NAV2: variants seen among roughly 807,000 people sequenced by gnomAD.
NAV2 encodes helicase, APC down-regulated 1.
A neutral mutation model predicts 223.2 loss-of-function variants in NAV2; 54 were observed. The observed-to-expected ratio is 0.24, with a 90% CI of 0.19 to 0.30. NAV2 has a LOEUF of 0.30. Ranked by LOEUF, NAV2 falls within the 10% of genes least tolerant of loss-of-function variation. The probability of loss-of-function intolerance (pLI) is 1.00; values close to 1 mark genes in which losing one functional copy is unlikely to be tolerated. For synonymous variants in NAV2, 1,279 were observed against 1,239.3 expected (o/e 1.03, Z -0.67); for missense variants, 2,806 against 3,147.5 (o/e 0.89, Z 2.60).
chr11:19,654,529 G>A (rs1329518508), intron 1 of NAV2, among the ~76,000 whole-genome samples: 1 of 152,090 alleles, frequency 6.6e-6, no homozygotes, highest in African/African-American at 2.4e-5. Context: ...GCATGGTACT[G>A]GTACCAAAAC....
At chr11:19,821,827 C>A (rs1004091629) in intron 1 of NAV2, among the ~76,000 whole-genome samples, 2 of 152,178 alleles carry the variant, frequency 1.3e-5, no homozygotes, top group Admixed American at 1.3e-4. Flanking sequence ...ATATGCCTTT[C>A]CCTCTCTCTC....
At chr11:19,965,489 A>G (rs1285584710) in intron 10 of NAV2, among the ~76,000 whole-genome samples, 1 of 151,892 alleles carries the variant, frequency 6.6e-6, no homozygotes, top group Non-Finnish European at 1.5e-5. Flanking sequence ...TTTCTTAAGT[A>G]TCTCTTACTA....
chr11:20,045,146 T>A lies in NAV2; in HGVS notation c.3378T>A (p.Ser1126Arg). The change falls in exon 14 of 38, where the codon AGT becomes AGA. Residue 1126 changes from serine to arginine, a missense_variant. This residue lies in a region of NAV2 where 742 missense variants were observed against 777.9 expected (regional missense o/e 0.95). Transcript: ENST00000349880. Reference sequence around the variant, plus strand: ...ACAGCTTTGGGTTCAAGAAGCAGAGTGGTTCCGCCGCCGGCCTGGCCATGA... The same window carrying A: ...ACAGCTTTGGGTTCAAGAAGCAGAGAGGTTCCGCCGCCGGCCTGGCCATGA... ...NANSFGFKKQ[S>R]GSAAGLAMIT... The A allele has an allele frequency of 6.2e-7, 1 of 1,613,726 alleles. No individual in the cohort carries two copies. Among genetic ancestry groups the A allele is most frequent in the Non-Finnish European group, 8.5e-7 (1 of 1,179,900 alleles).
At chr11:19,445,792 T>C (rs2133742728) in intron 1 of NAV2, among the ~76,000 whole-genome samples, 1 of 143,822 alleles carries the variant, frequency 7.0e-6, no homozygotes. Context: ...GAAAGGGAGA[T>C]GGAGGGAAGT....
intron 1 of NAV2, among the ~76,000 whole-genome samples, chr11:19,597,953 G>A (rs984063754): frequency 6.6e-6 from 1 of 152,262 alleles, no homozygotes; most frequent in African/African-American, 2.4e-5. Flanking sequence ...CTCAAGGGCA[G>A]GTGGGTCTGG....
chr11:20,039,221 G>T (rs998679785), intron 12 of NAV2, among the ~76,000 whole-genome samples: 1 of 152,194 alleles, frequency 6.6e-6, no homozygotes, highest in Non-Finnish European at 1.5e-5. Flanking sequence ...CTCACTCTAT[G>T]ACATCCTTGG....
chr11:19,633,774 C>A (rs1231548727), intron 1 of NAV2, among the ~76,000 whole-genome samples: 1 of 152,210 alleles, frequency 6.6e-6, no homozygotes, highest in East Asian at 1.9e-4. Context: ...CTGGCTTCGG[C>A]CTTTGCTCCA....
At chr11:19,455,079 G>C (rs1851916235) in intron 1 of NAV2, among the ~76,000 whole-genome samples, 1 of 152,208 alleles carries the variant, frequency 6.6e-6, no homozygotes, top group African/African-American at 2.4e-5. Flanking sequence ...GTACCTGAGA[G>C]CTGGAGAACC....
At chr11:19,386,382 C>T (rs1249754476) in intron 1 of NAV2, among the ~76,000 whole-genome samples, 1 of 151,964 alleles carries the variant, frequency 6.6e-6, no homozygotes, top group African/African-American at 2.4e-5. Flanking sequence ...TCTGTTTTTT[C>T]CTGGATGGAA....
intron 1 of NAV2, among the ~76,000 whole-genome samples, chr11:19,656,018 G>T (rs2048114806): frequency 6.6e-6 from 1 of 152,300 alleles, no homozygotes; most frequent in Non-Finnish European, 1.5e-5. Flanking sequence ...AAAGAGACAA[G>T]CCTCTGCTGG....
At chr11:19,878,574 A>G (rs923979562) in intron 4 of NAV2, among the ~76,000 whole-genome samples, 1 of 152,224 alleles carries the variant, frequency 6.6e-6, no homozygotes, top group Non-Finnish European at 1.5e-5. Context: ...TCCTGTGATC[A>G]GAATCTGCTA....
At chr11:19,611,813 AT>A (rs1428512432) in intron 1 of NAV2, among the ~76,000 whole-genome samples, 1 of 152,160 alleles carries the variant, frequency 6.6e-6, no homozygotes, top group African/African-American at 2.4e-5. Context: ...CTGTCAGTCG[AT>A]CTACCATTCT....
intron 11 of NAV2, among the ~76,000 whole-genome samples, chr11:20,010,612 T>C (rs1228962747): frequency 5.3e-5 from 8 of 152,206 alleles, no homozygotes; most frequent in Admixed American, 5.2e-4. Flanking sequence ...CGCCCAAGTC[T>C]ATAATATATG....
chr11:19,584,926 G>T (rs1413912117), intron 1 of NAV2, among the ~76,000 whole-genome samples: 1 of 152,118 alleles, frequency 6.6e-6, no homozygotes, highest in Admixed American at 6.6e-5. Flanking sequence ...TCAATTCCTG[G>T]ATATCCTTTT....
chr11:19,750,866 C>T (rs1271210343), intron 1 of NAV2, among the ~76,000 whole-genome samples: 1 of 152,188 alleles, frequency 6.6e-6, no homozygotes, highest in Non-Finnish European at 1.5e-5. Context: ...GGAGCATTAG[C>T]TATATACTAT....
intron 1 of NAV2, among the ~76,000 whole-genome samples, chr11:19,559,871 T>TC (rs2045036644): frequency 6.6e-6 from 1 of 152,076 alleles, no homozygotes; most frequent in Admixed American, 6.5e-5. Flanking sequence ...AGAGCCCCCT[T>TC]CTCAGTAAGC....
chr11:20,058,654 T>A (rs1210093679), intron 19 of NAV2, among the ~76,000 whole-genome samples: 6 of 152,244 alleles, frequency 3.9e-5, no homozygotes, highest in Non-Finnish European at 7.3e-5. Context: ...TGCAGCATGC[T>A]TGTGTATCTA....
chr11:19,891,752 TA>T (rs2041512992), intron 5 of NAV2, among the ~76,000 whole-genome samples: 1 of 152,168 alleles, frequency 6.6e-6, no homozygotes, highest in Non-Finnish European at 1.5e-5. Flanking sequence ...CTCACCACTA[TA>T]AATTGTCCTT....
chr11:20,087,544 C>T (rs1011956484), intron 26 of NAV2, among the ~76,000 whole-genome samples: 2 of 152,162 alleles, frequency 1.3e-5, no homozygotes, highest in East Asian at 1.9e-4. Flanking sequence ...GGTAAGGCAA[C>T]GTTTTCCCAC....
Sources: gnomAD v4.1 joint callset for allele counts (sites outside exome capture counted in the v4.1 genomes callset) on GRCh38, gnomAD v4.1.1 for gene constraint, gnomAD v4.1.1 regional missense constraint, MANE v1.5 for transcripts, NCBI Gene and HGNC (gene_info 2026-07-23, HGNC 2026-07-21) for gene names.